The following PHKB variants were observed in gnomAD, a reference collection of about 807,000 sequenced individuals.
PHKB encodes phosphorylase kinase regulatory subunit beta.
Under a neutral mutation model 152.1 loss-of-function variants are expected in PHKB, and 122 were observed. The observed-to-expected ratio is 0.80, with a 90% confidence interval of 0.69 to 0.93. The LOEUF (loss-of-function observed/expected upper bound fraction) is 0.93. PHKB is among the 40% of genes least tolerant of loss of function. The probability of loss-of-function intolerance (pLI) is 0.00; values close to 1 mark genes in which losing one functional copy is unlikely to be tolerated. For missense variants in PHKB, 1,304 were observed against 1,328.4 expected, an observed-to-expected ratio of 0.98 and a Z score of 0.29; for synonymous variants, 436 against 464.9, an observed-to-expected ratio of 0.94 and a Z score of 0.80.
chr16:47,498,394 G>C (rs1299045539), intron 2 of PHKB, among the ~76,000 whole-genome samples: 1 of 152,074 alleles, frequency 6.6e-6, no homozygotes, highest in Non-Finnish European at 1.5e-5. Context: ...GATCAATTTA[G>C]AGGCTGGGCA....
intron 6 of PHKB, 27 bp from the exon 7 acceptor site, chr16:47,547,406 C>T (rs1168995838): frequency 1.4e-6 from 2 of 1,385,212 alleles, no homozygotes; most frequent in Non-Finnish European, 2.1e-6. Context: ...TGAGTATGTC[C>T]TTATGTTTCA....
intron 7 of PHKB, among the ~76,000 whole-genome samples, chr16:47,576,045 C>G (rs955220711): frequency 4.6e-5 from 7 of 152,144 alleles, no homozygotes; most frequent in African/African-American, 1.7e-4. Flanking sequence ...CATTGCACTC[C>G]AGCTTGGGCA....
At chr16:47,569,285 T>C (rs1971618696) in intron 7 of PHKB, among the ~76,000 whole-genome samples, 1 of 152,260 alleles carries the variant, frequency 6.6e-6, no homozygotes, top group South Asian at 2.1e-4. Context: ...TTTGTCTTTT[T>C]ATTTAAAGTC....
intron 27 of PHKB, among the ~76,000 whole-genome samples, chr16:47,690,809 A>AT (rs1974046587): frequency 6.6e-6 from 1 of 152,184 alleles, no homozygotes; most frequent in African/African-American, 2.4e-5. Flanking sequence ...AAAGGAAAAA[A>AT]TAGTGATTTT....
intron 20 of PHKB, among the ~76,000 whole-genome samples, chr16:47,652,049 AT>A (rs1038979101): frequency 6.6e-6 from 1 of 150,682 alleles, no homozygotes; most frequent in African/African-American, 2.4e-5. Flanking sequence ...TTTTTCTTCA[AT>A]TTTCCTTTCC....
In PHKB at chr16:47,478,466, ATTTTTTT is replaced by A. The variant is rs199656987; in HGVS notation, c.76+17055_76+17061del. ...GAAGCAGGTTATATATTGCTGTGAA[ATTTTTTT>A]TTTTTTTTTTTTTTGCTTTACCTGA... On this transcript the variant is annotated intron_variant, in intron 1 of 30. Transcript: ENST00000323584. Among the ~76,000 whole-genome samples the A allele has an allele frequency of 4.0e-4, 51 of 127,890 alleles. No individual in the cohort carries two copies. The South Asian group carries it at 5.5e-3, about 14-fold the overall frequency. 83.9% of individuals were successfully genotyped at this position (127,890 alleles called of 152,430 possible).
chr16:47,563,130 C>T (rs1310250489), intron 7 of PHKB, among the ~76,000 whole-genome samples: 1 of 151,818 alleles, frequency 6.6e-6, no homozygotes. Context: ...GTCTTGAACT[C>T]CTCACGCTTA....
intron 10 of PHKB, among the ~76,000 whole-genome samples, chr16:47,589,464 G>A (rs572990334): frequency 7.2e-5 from 11 of 152,280 alleles, no homozygotes; most frequent in African/African-American, 2.2e-4. Context: ...ATGTTTGCCT[G>A]ATCCATACTA....
intron 20 of PHKB, among the ~76,000 whole-genome samples, chr16:47,659,694 A>G (rs551733936): frequency 2.0e-5 from 3 of 152,234 alleles, no homozygotes; most frequent in African/African-American, 7.2e-5. Context: ...ATTAGCCTGG[A>G]TAACCAATAC....
chr16:47,565,040 A>G, intron 7 of PHKB: 1 of 404,696 alleles, frequency 2.5e-6, no homozygotes, highest in Admixed American at 2.9e-5. Flanking sequence ...CTAATGTTCC[A>G]GGGTGCAGAG....
chr16:47,519,972 C>T (rs1421373758), intron 6 of PHKB, among the ~76,000 whole-genome samples: 1 of 151,980 alleles, frequency 6.6e-6, no homozygotes, highest in East Asian at 1.9e-4. Flanking sequence ...CATGTTTTCT[C>T]TTTAAAATAT....
chr16:47,463,287 C>T (rs1415590982), intron 1 of PHKB: 2 of 152,610 alleles, frequency 1.3e-5, no homozygotes, highest in Admixed American at 6.5e-5. Context: ...TTGTTGAGTG[C>T]AGTTATTTAA....
chr16:47,527,244 TAA>T (rs972530940), intron 6 of PHKB, among the ~76,000 whole-genome samples: 12 of 152,118 alleles, frequency 7.9e-5, no homozygotes, highest in African/African-American at 2.7e-4. Flanking sequence ...GGAAAATTGA[TAA>T]GTTAAATATT....
chr16:47,545,565 T>C (rs955342353), intron 6 of PHKB, among the ~76,000 whole-genome samples: 6 of 152,312 alleles, frequency 3.9e-5, no homozygotes, highest in Middle Eastern at 3.4e-3. Flanking sequence ...TTGACAATTA[T>C]GTGTCTTGAG....
chr16:47,484,967 C>A (rs1331758524), intron 1 of PHKB, among the ~76,000 whole-genome samples: 2 of 152,146 alleles, frequency 1.3e-5, no homozygotes, highest in Non-Finnish European at 2.9e-5. Flanking sequence ...TCCTTCTAGG[C>A]ATTTTAAAGT....
Position 47,623,403 on chromosome 16 carries a change from T to C in PHKB, c.1458+12483T>C, listed in dbSNP as rs573154361. 2.0e-5 allele frequency among the ~76,000 whole-genome samples: 3 copies of C among 152,084 alleles called. No homozygotes were observed. In the East Asian group the frequency reaches 5.8e-4, roughly 29 times the overall value. ...GAAATTGAATGTTTAGCATTTAACC[T>C]GTTAGATTTCTTTTATCCCTTTGTG... On this transcript the variant is annotated intron_variant, in intron 14 of 30. Transcript: ENST00000323584.
rs1433425236 is a variant in PHKB at position 47,560,929 on chromosome 16, A to G, written c.710+13381A>G. 2.0e-5 allele frequency among the ~76,000 whole-genome samples: 3 copies of G among 152,186 alleles called. 1 individual carries two copies. The highest frequency in any genetic ancestry group is 4.1e-4 in the South Asian group (2 of 4,828). The stretch of plus-strand genomic sequence containing the variant: ...TGTGGGAAGATTTTTGCAAATATGT[A>G]TATATGGTATAAGGAAAAGGAAAAT... On this transcript the variant is annotated intron_variant, in intron 7 of 30. Coordinates refer to ENST00000323584, the MANE Select transcript of PHKB (RefSeq NM_000293.3).
At position 47,699,431 on chromosome 16, in the gene PHKB, G is replaced by A; in HGVS notation, c.*65G>A. ...GAAGTGTGTTGTGTTTCATGTTCAA[G>A]CTTAATCAAGGCAGCCATTAATATA... On this transcript the variant is annotated 3_prime_UTR_variant, in exon 31 of 31. Coordinates refer to ENST00000323584, the MANE Select transcript of PHKB (RefSeq NM_000293.3). The A allele has an allele frequency of 6.3e-7, 1 of 1,582,178 alleles. No homozygotes were observed. The highest frequency in any genetic ancestry group is 1.7e-5 in the Admixed American group (1 of 59,972).
Position 47,534,885 on chromosome 16 carries a change from A to G in PHKB, c.595-12548A>G, listed in dbSNP as rs529117857. On this transcript the variant is annotated intron_variant, in intron 6 of 30. Coordinates refer to ENST00000323584, the MANE Select transcript of PHKB (RefSeq NM_000293.3). Reference sequence around the variant, plus strand: ...ATTAGACAAATCAAAATTGAGGGACATGTGGCAGAATAACATAAAATTTAT... The same window carrying G: ...ATTAGACAAATCAAAATTGAGGGACGTGTGGCAGAATAACATAAAATTTAT... Among the ~76,000 whole-genome samples the G allele has an allele frequency of 1.0e-3, 158 of 152,370 alleles. 5 individuals carry two copies. In the South Asian group the frequency reaches 0.031, roughly 30 times the overall value.
Sources: gnomAD v4.1 joint callset for allele counts (sites outside exome capture counted in the v4.1 genomes callset) on GRCh38, gnomAD v4.1.1 for gene constraint, MANE v1.5 for transcripts, NCBI Gene and HGNC (gene_info 2026-07-23, HGNC 2026-07-21) for gene names.